The following YWHAQ variants were observed in gnomAD, a reference collection of about 807,000 sequenced individuals.
YWHAQ encodes tyrosine 3-monooxygenase/tryptophan 5-monooxygenase activation protein theta.
Under a neutral mutation model 28.3 loss-of-function variants are expected in YWHAQ, and 6 were observed. That is an observed-to-expected ratio of 0.21 (90% CI 0.12 to 0.42). The LOEUF (loss-of-function observed/expected upper bound fraction) is 0.42. Among genes scored for constraint, YWHAQ ranks in the 10% least tolerant of loss-of-function variants. YWHAQ has a pLI of 1.00. For synonymous variants in YWHAQ, 143 were observed against 119.1 expected, an observed-to-expected ratio of 1.20 and a Z score of -1.31; for missense variants, 201 against 305.6, an observed-to-expected ratio of 0.66 and a Z score of 2.55.
rs1000606168 is a variant in YWHAQ at position 9,588,248 on chromosome 2, G to A, written c.499C>T (p.Arg167Cys). The change falls in exon 4 of 6, where the codon CGC becomes TGC. Residue 167 changes from arginine to cysteine, a missense_variant. Physicochemically the swap from Arg to Cys is radical, Grantham distance 180 (BLOSUM62 -3). Coordinates refer to ENST00000238081, the MANE Select transcript of YWHAQ (RefSeq NM_006826.4). ...KKEMQPTHPI[R>C]LGLALNFSVF... ...GAAAAGTTAAGAGCAAGCCCCAGGC[G>A]GATTGGGTGTGTGGGTTGCATCTCT... 8 of 1,608,312 alleles carry A rather than the reference G, an allele frequency of 5.0e-6. No homozygotes were observed. Among genetic ancestry groups the A allele is most frequent in the African/African-American group, 1.3e-5 (1 of 74,442 alleles).
intron 2 of YWHAQ, 115 bp from the exon 3 acceptor site, chr2:9,591,630 C>CTA: frequency 7.7e-7 from 1 of 1,302,142 alleles, no homozygotes; most frequent in Non-Finnish European, 1.0e-6. Flanking sequence ...TACAGTAATA[C>CTA]TATACCATAC....
intron 3 of YWHAQ, among the ~76,000 whole-genome samples, chr2:9,590,501 AACTT>A (rs1666434566): frequency 1.3e-5 from 2 of 152,162 alleles, no homozygotes; most frequent in East Asian, 3.8e-4. Context: ...CAAAACAACA[AACTT>A]ACTGGAAAAA....
chr2:9,588,749 C>T (rs925180344), intron 3 of YWHAQ, among the ~76,000 whole-genome samples: 6 of 151,888 alleles, frequency 4.0e-5, no homozygotes, highest in African/African-American at 1.5e-4. Flanking sequence ...CCAGCTTGGG[C>T]AACAGAACGA....
At chr2:9,625,023 C>T (rs781064440) in intron 2 of YWHAQ, among the ~76,000 whole-genome samples, 4 of 151,972 alleles carry the variant, frequency 2.6e-5, no homozygotes, top group Admixed American at 1.3e-4. Flanking sequence ...GGATTACAGG[C>T]GTGAGCCACC....
chr2:9,620,655 G>A, intron 2 of YWHAQ: 1 of 152,134 alleles, frequency 6.6e-6, no homozygotes, highest in East Asian at 1.9e-4. Flanking sequence ...ATCTTTAGCT[G>A]GTTTCCAGGA....
intron 2 of YWHAQ, among the ~76,000 whole-genome samples, chr2:9,592,291 T>C (rs1214012499): frequency 6.6e-6 from 1 of 152,174 alleles, no homozygotes; most frequent in Non-Finnish European, 1.5e-5. Context: ...GAGTATGTCT[T>C]TTGTCCCTAA....
intron 2 of YWHAQ, among the ~76,000 whole-genome samples, chr2:9,620,306 G>C (rs540101200): frequency 6.6e-6 from 1 of 152,220 alleles, no homozygotes; most frequent in Admixed American, 6.5e-5. Flanking sequence ...AACCCAACTG[G>C]ATACTGTAGT....
At chr2:9,628,882 ACTTT>A (rs1162989209) in intron 2 of YWHAQ, 2 of 152,214 alleles carry the variant, frequency 1.3e-5, no homozygotes, top group African/African-American at 2.4e-5. Flanking sequence ...TGTCTGCATT[ACTTT>A]CTTTGCCTCT....
intron 5 of YWHAQ, among the ~76,000 whole-genome samples, chr2:9,586,963 G>A (rs148137161): frequency 4.6e-5 from 7 of 152,300 alleles, no homozygotes; most frequent in African/African-American, 1.4e-4. Context: ...CAGAGAAGGA[G>A]TAAGTTTAGG....
At chr2:9,613,901 C>T (rs1573000723) in intron 2 of YWHAQ, among the ~76,000 whole-genome samples, 2 of 152,278 alleles carry the variant, frequency 1.3e-5, no homozygotes, top group African/African-American at 4.8e-5. Context: ...GGTGAAGATA[C>T]CTAACAGAAA....
At chr2:9,609,476 G>A (rs1219655515) in intron 2 of YWHAQ, among the ~76,000 whole-genome samples, 2 of 152,152 alleles carry the variant, frequency 1.3e-5, no homozygotes, top group Non-Finnish European at 2.9e-5. Context: ...TATTTCAGGA[G>A]AGAACAGAAA....
intron 2 of YWHAQ, among the ~76,000 whole-genome samples, chr2:9,609,549 T>C (rs1666904243): frequency 1.3e-5 from 2 of 151,864 alleles, no homozygotes; most frequent in African/African-American, 4.8e-5. Flanking sequence ...GATAAATACC[T>C]TGAGATAGGA....
chr2:9,593,849 C>A (rs532887571), intron 2 of YWHAQ, among the ~76,000 whole-genome samples: 513 of 144,986 alleles, frequency 3.5e-3, no homozygotes, highest in Non-Finnish European at 5.8e-3. Context: ...AAGAAAAAAA[C>A]CAGAAAAACA....
intron 2 of YWHAQ, among the ~76,000 whole-genome samples, chr2:9,626,928 G>A (rs1201701699): frequency 6.6e-6 from 1 of 152,154 alleles, no homozygotes; most frequent in African/African-American, 2.4e-5. Context: ...GAATGGCTAG[G>A]ACCTGCATTA....
intron 2 of YWHAQ, among the ~76,000 whole-genome samples, chr2:9,619,990 C>T (rs1667112379): frequency 6.6e-6 from 1 of 152,176 alleles, no homozygotes; most frequent in African/African-American, 2.4e-5. Flanking sequence ...TATTGAAGAA[C>T]AACAGCAGTA....
At position 9,630,723 on chromosome 2, in the gene YWHAQ, G is replaced by A. The variant is rs1025042125; in HGVS notation, c.-82-189C>T. 3.5e-5 allele frequency: 6 copies of A among 172,812 alleles called. No individual in the cohort carries two copies. Among genetic ancestry groups the A allele is most frequent in the African/African-American group, 1.4e-4 (6 of 42,064 alleles). The allele number at this position is 172,812 out of a possible 1,614,324, so 10.7% of individuals were successfully genotyped here. A position where few individuals can be genotyped will look rare whatever the true frequency, so the allele number is the denominator to read the frequency against. On this transcript the variant is annotated intron_variant, in intron 1 of 5. Coordinates refer to ENST00000238081, the MANE Select transcript of YWHAQ (RefSeq NM_006826.4). The surrounding 1 kb of genome is among the most constrained non-coding windows in gnomAD (Gnocchi z 5.6). ...GGCTGGAGGAGGCGGGGGCGGCGCG[G>A]AGGCCCCGCGCGCAGGGAGCCCGAG...
At chr2:9,598,491 G>C (rs919910947) in intron 2 of YWHAQ, among the ~76,000 whole-genome samples, 1 of 152,048 alleles carries the variant, frequency 6.6e-6, no homozygotes, top group Non-Finnish European at 1.5e-5. Context: ...AAGGTTTGTA[G>C]CAACACTGAA....
At chr2:9,588,352 G>A (rs780770187) in intron 3 of YWHAQ, 24 bp from the exon 4 acceptor site, 9 of 1,600,132 alleles carry the variant, frequency 5.6e-6, no homozygotes, top group Admixed American at 1.8e-5. Flanking sequence ...AAAATAAGAA[G>A]TGCAATATTA....
chr2:9,615,912 C>T (rs1667031080), intron 2 of YWHAQ, among the ~76,000 whole-genome samples: 1 of 152,120 alleles, frequency 6.6e-6, no homozygotes, highest in Admixed American at 6.5e-5. Flanking sequence ...AATTTCCTTA[C>T]TCATGTCTTA....
Sources: allele counts gnomAD v4.1 joint callset (sites outside exome capture counted in the v4.1 genomes callset), GRCh38; gene constraint gnomAD v4.1.1; non-coding constraint Gnocchi (gnomAD v3.1); transcripts MANE v1.5; gene names NCBI Gene and HGNC (gene_info 2026-07-23, HGNC 2026-07-21).